Variants in STRADA observed in about 807,000 individuals in gnomAD.
STRADA encodes the protein STE20-related kinase adapter protein alpha.
In STRADA, 26 loss-of-function variants were observed where a neutral mutation model predicts 55.0. The ratio of observed to expected loss-of-function variants is 0.47; its 90% CI spans 0.35 to 0.66. The LOEUF (loss-of-function observed/expected upper bound fraction) is 0.66, where lower values mean the gene tolerates loss of function less well. Among genes scored for constraint, STRADA ranks in the 30% least tolerant of loss-of-function variants. The probability of loss-of-function intolerance (pLI) is 0.01; values close to 1 mark genes in which losing one functional copy is unlikely to be tolerated. For missense variants in STRADA, 443 were observed against 549.7 expected (o/e 0.81, Z 1.94); for synonymous variants, 197 against 210.9 (o/e 0.93, Z 0.57).
intron 3 of STRADA, chr17:63,723,551 G>C (rs781482936): frequency 5.4e-6 from 3 of 558,090 alleles, no homozygotes; most frequent in East Asian, 2.9e-5. Context: ...TTCTTCAAAA[G>C]GTGGCAAGGC....
At chr17:63,732,852 G>C (rs1455475279) in intron 1 of STRADA, among the ~76,000 whole-genome samples, 2 of 152,144 alleles carry the variant, frequency 1.3e-5, no homozygotes, top group African/African-American at 2.4e-5. Flanking sequence ...AAAGTGGTGA[G>C]ACTAACAGTA....
intron 4 of STRADA, among the ~76,000 whole-genome samples, chr17:63,720,550 G>A (rs1422884662): frequency 3.3e-5 from 5 of 151,630 alleles, no homozygotes; most frequent in African/African-American, 7.3e-5. Context: ...CGAGGCAGGC[G>A]GATCACAAGG....
intron 1 of STRADA, among the ~76,000 whole-genome samples, chr17:63,740,099 T>TA (rs1234500693): frequency 2.7e-5 from 2 of 74,094 alleles, no homozygotes; most frequent in Admixed American, 1.4e-4. Flanking sequence ...TATATATATA[T>TA]ATATATATAC....
At chr17:63,719,722 G>A (rs914422635) in intron 4 of STRADA, among the ~76,000 whole-genome samples, 1 of 152,124 alleles carries the variant, frequency 6.6e-6, no homozygotes, top group Non-Finnish European at 1.5e-5. Context: ...GACCTCAGGT[G>A]ATGCGCGCAC....
At chr17:63,704,692 G>T in intron 10 of STRADA, 110 bp from the exon 11 acceptor site, 1 of 1,505,678 alleles carries the variant, frequency 6.6e-7, no homozygotes, top group South Asian at 1.3e-5. Flanking sequence ...ATGCAAATGT[G>T]ATCATTTGAA....
At chr17:63,722,296 G>A (rs1341315781) in intron 4 of STRADA, among the ~76,000 whole-genome samples, 1 of 152,132 alleles carries the variant, frequency 6.6e-6, no homozygotes, top group Non-Finnish European at 1.5e-5. Context: ...ACAAAATACA[G>A]TAAAGCACAC....
intron 1 of STRADA, among the ~76,000 whole-genome samples, chr17:63,739,872 C>T (rs143932794): frequency 7.5e-6 from 1 of 133,716 alleles, no homozygotes; most frequent in Non-Finnish European, 1.5e-5. Context: ...TGGCCCGGGA[C>T]GGCTGCTCCG....
chr17:63,709,979 C>T (rs1183701493), intron 8 of STRADA, among the ~76,000 whole-genome samples: 3 of 151,726 alleles, frequency 2.0e-5, no homozygotes, highest in African/African-American at 7.3e-5. Flanking sequence ...CACTAACAGG[C>T]TAAGTGACCA....
Position 63,704,566 on chromosome 17 carries a change from A to C in STRADA, c.875T>G (p.Leu292Arg). 1 of 1,384,158 alleles carries C rather than the reference A, an allele frequency of 7.2e-7. No individual in the cohort carries two copies. The allele number at this position is 1,384,158 out of a possible 1,614,324, so 85.7% of individuals were successfully genotyped here. The change falls in exon 11 of 13, where the codon CTG becomes CGG. Residue 292 changes from leucine (L) to arginine (R), a missense_variant. Transcript: ENST00000336174. ...CAACAGGCAGGGCACTGTGCCGTTC[A>C]GTTTCTCTAGCAGCATCTGGGGAGG... ...MPATQMLLEK[L>R]NGTVPCLLDT...
intron 4 of STRADA, among the ~76,000 whole-genome samples, chr17:63,720,113 C>T (rs906168677): frequency 2.0e-5 from 3 of 151,560 alleles, no homozygotes; most frequent in Non-Finnish European, 4.4e-5. Context: ...CCTCGAACTC[C>T]AGGGCTCAAG....
At chr17:63,739,668 GTA>G (rs1481082545) in intron 1 of STRADA, among the ~76,000 whole-genome samples, 2 of 148,932 alleles carry the variant, frequency 1.3e-5, no homozygotes, top group East Asian at 2.0e-4. Flanking sequence ...ATGCATATAT[GTA>G]TATATTATAT....
At chr17:63,704,280 G>C (rs1338635503) in intron 11 of STRADA, 61 bp downstream of exon 11, 1 of 1,598,468 alleles carries the variant, frequency 6.3e-7, no homozygotes, top group Admixed American at 1.7e-5. Flanking sequence ...TCACACCCTG[G>C]CCTTACCCTC....
At position 63,708,392 on chromosome 17, in the gene STRADA, G is replaced by T. The variant is rs532239554; in HGVS notation, c.582-974C>A. ...TTTTTGTATTTTTAGTAGAGACAGG[G>T]TTTCACCATGTTAGCCAGGCTGGTC... On this transcript the variant is annotated intron_variant, in intron 8 of 12. Transcript: ENST00000336174. Among the ~76,000 whole-genome samples the T allele has an allele frequency of 8.7e-4, 132 of 151,652 alleles. 2 individuals carry two copies. Among genetic ancestry groups the T allele is most frequent in the African/African-American group, 3.1e-3 (128 of 41,320 alleles).
Position 63,704,450 on chromosome 17 carries a change from T to G in STRADA, c.991A>C (p.Thr331Pro). 6.2e-7 allele frequency: 1 copy of G among 1,611,826 alleles called. No homozygotes were observed. The highest frequency in any genetic ancestry group is 8.5e-7 in the Non-Finnish European group (1 of 1,179,646). Residue 331 changes from threonine to proline, a missense_variant, in exon 11 of 13, where the codon ACC (threonine) becomes CCC (proline). By Grantham distance (38) the Thr-to-Pro change is conservative. Transcript: ENST00000336174. ...GAGTCACCGTTGGAGGGCCGGGGGG[T>G]GCTGGTGGTCAGGCTGTCACTCAGG... ...SGLSDSLTTS[T>P]PRPSNGDSPS...
chr17:63,727,044 T>C (rs1188914439), intron 2 of STRADA: 1 of 250,530 alleles, frequency 4.0e-6, no homozygotes, highest in Admixed American at 5.4e-5. Context: ...TGAAAACTAT[T>C]ACTGGAATTC....
chr17:63,715,485 CTCTT>C (rs533934072), intron 4 of STRADA: 27 of 152,310 alleles, frequency 1.8e-4, no homozygotes, highest in African/African-American at 6.3e-4. Flanking sequence ...TATGGGTTAT[CTCTT>C]TGTCGCTCAG....
chr17:63,707,256 G>A lies in STRADA; in HGVS notation c.744C>T (p.Val248=), dbSNP rs1555697834. 1 of 1,614,176 alleles carries A rather than the reference G, an allele frequency of 6.2e-7. No homozygotes were observed. Residue 248 remains valine (V), a synonymous_variant, in exon 9 of 13, where the codon GTC becomes GTT. Coordinates refer to ENST00000336174, the MANE Select transcript of STRADA (RefSeq NM_001003787.4). Reference sequence around the variant, plus strand: ...GGGCCCACACACAGACCTGCTGGAGGACCTCGGGGCTGAGCCACGGCAGAA... The same window carrying A: ...GGGCCCACACACAGACCTGCTGGAGAACCTCGGGGCTGAGCCACGGCAGAA... ...VKVLPWLSPE[V]LQQNLQGYDA...
At chr17:63,727,081 GTAGT>G (rs1285852611) in intron 2 of STRADA, 1 of 199,756 alleles carries the variant, frequency 5.0e-6, no homozygotes, top group Admixed American at 5.9e-5. Flanking sequence ...AGATGAAACA[GTAGT>G]TATTCACAAG....
intron 1 of STRADA, among the ~76,000 whole-genome samples, chr17:63,732,850 G>A (rs2038165724): frequency 6.6e-6 from 1 of 152,136 alleles, no homozygotes; most frequent in African/African-American, 2.4e-5. Flanking sequence ...CCAAAGTGGT[G>A]AGACTAACAG....
Sources: gnomAD v4.1 joint callset for allele counts (sites outside exome capture counted in the v4.1 genomes callset) on GRCh38, gnomAD v4.1.1 for gene constraint, MANE v1.5 for transcripts, NCBI Gene and HGNC (gene_info 2026-07-23, HGNC 2026-07-21) for gene names.